Variants in ANXA11 observed in about 807,000 individuals in gnomAD.
ANXA11 encodes the protein annexin A11, also known as 56 kDa autoantigen.
A neutral mutation model predicts 64.7 loss-of-function variants in ANXA11; 57 were observed. The observed-to-expected ratio is 0.88, with a 90% CI of 0.71 to 1.10. The LOEUF (loss-of-function observed/expected upper bound fraction) is 1.10. Ranked by LOEUF, ANXA11 falls within the 50% of genes least tolerant of loss-of-function variation. ANXA11 has a pLI of 0.00. For synonymous variants in ANXA11, 260 were observed against 265.2 expected (o/e 0.98, Z 0.19); for missense variants, 675 against 670.7 (o/e 1.01, Z -0.07).
intron 11 of ANXA11, among the ~76,000 whole-genome samples, chr10:80,162,683 G>A (rs1257889690): frequency 6.6e-6 from 1 of 152,234 alleles, no homozygotes; most frequent in Non-Finnish European, 1.5e-5. Context: ...CAATCCCGCA[G>A]ATGGTAGAGA....
chr10:80,163,583 C>T lies in ANXA11; in HGVS notation c.980G>A (p.Arg327Gln), dbSNP rs149646596. The T allele has an allele frequency of 1.9e-5, 29 of 1,563,882 alleles. No homozygotes were observed. The highest frequency in any genetic ancestry group is 2.4e-5 in the East Asian group (1 of 42,288). The change falls in exon 10 of 16, where the codon CGA (arginine) becomes CAA (glutamine). Residue 327 changes from arginine (R) to glutamine (Q), a missense_variant. Physicochemically the swap from Arg to Gln is conservative, Grantham distance 43. Coordinates refer to ENST00000422982, the MANE Select transcript of ANXA11 (RefSeq NM_145868.2). ...CTGGAAGTGCCCTGATGTGTCGCTT[C>T]GAATGGCCTCTTCCAGGGTCTTTTT... ...EFKKTLEEAI[R>Q]SDTSGHFQRL... is the part of the protein sequence containing the mutation.
intron 10 of ANXA11, 49 bp from the exon 11 acceptor site, chr10:80,163,454 T>G: frequency 1.2e-6 from 2 of 1,613,468 alleles, no homozygotes; most frequent in Non-Finnish European, 1.7e-6. Flanking sequence ...CCCATTTATT[T>G]TCCCTTTCCT....
rs995076930 is a variant in ANXA11 at position 80,201,133 on chromosome 10, T to C, written c.-58+4210A>G. Reference sequence around the variant, plus strand: ...CTCACGTCCTGCTACTCCTCACCCATTCACTCCAACCTCGCTTCTGCTCAC... The same window carrying C: ...CTCACGTCCTGCTACTCCTCACCCACTCACTCCAACCTCGCTTCTGCTCAC... On this transcript the variant is annotated intron_variant, in intron 1 of 15. Transcript: ENST00000422982. Among the ~76,000 whole-genome samples the C allele has an allele frequency of 1.1e-4, 16 of 152,098 alleles. 2 individuals are homozygous for C. The South Asian group carries it at 1.2e-3, about 12-fold the overall frequency.
At chr10:80,188,688 A>C (rs1386296394) in intron 1 of ANXA11, among the ~76,000 whole-genome samples, 1 of 150,704 alleles carries the variant, frequency 6.6e-6, no homozygotes, top group Non-Finnish European at 1.5e-5. Context: ...GATGTACCCC[A>C]CCTACCTTGG....
At chr10:80,162,349 A>G (rs1845548430) in intron 11 of ANXA11, among the ~76,000 whole-genome samples, 1 of 152,242 alleles carries the variant, frequency 6.6e-6, no homozygotes, top group East Asian at 1.9e-4. Flanking sequence ...CAAAAGCCAG[A>G]GCCCTGAGCC....
At chr10:80,201,054 G>A (rs879767524) in intron 1 of ANXA11, among the ~76,000 whole-genome samples, 13 of 152,104 alleles carry the variant, frequency 8.5e-5, no homozygotes, top group African/African-American at 1.2e-4. Flanking sequence ...CTCCCTCAAC[G>A]ACGTCCTCTT....
intron 4 of ANXA11, among the ~76,000 whole-genome samples, chr10:80,169,591 G>A (rs185758253): frequency 6.6e-6 from 1 of 152,298 alleles, no homozygotes; most frequent in East Asian, 1.9e-4. Context: ...TTCTGCAGGG[G>A]AGATGCCTTC....
In ANXA11 at chr10:80,166,902, C is replaced by A. The variant is rs201680859; in HGVS notation, c.732G>T (p.Thr244=). The A allele has an allele frequency of 2.4e-5, 38 of 1,607,076 alleles. No homozygotes were observed. In the South Asian group the frequency reaches 4.2e-4, roughly 18 times the overall value. ...CCCCGCAGCTCGCCTTGCCGTAAGC[C>A]GTCTTGAAGGAAAGTAGGATCTGCT... ...QRQQILLSFK[T]AYGKDLIKDL... is the part of the protein sequence containing the mutation. The change falls in exon 7 of 16, where the codon ACG becomes ACT. Residue 244 remains threonine (T), a synonymous_variant. Coordinates refer to ENST00000422982, the MANE Select transcript of ANXA11 (RefSeq NM_145868.2).
At chr10:80,165,859 T>C (rs1845698137) in intron 8 of ANXA11, among the ~76,000 whole-genome samples, 1 of 152,214 alleles carries the variant, frequency 6.6e-6, no homozygotes, top group African/African-American at 2.4e-5. Flanking sequence ...GACTGGTGCG[T>C]CATTTGCCTC....
In ANXA11 at chr10:80,157,763, C is replaced by T; in HGVS notation, c.1336G>A (p.Gly446Arg). The change falls in exon 15 of 16, where the codon GGG becomes AGG. Residue 446 changes from glycine to arginine, a missense_variant and splice_region_variant. Transcript: ENST00000422982. ...FAERLNKAMRGAGTKDRTLIR... is the reference protein window; with the variant it reads ...FAERLNKAMRRAGTKDRTLIR... ...AGGGTCCGGTCCTTTGTTCCTGCCC[C>T]CTAAAGAGAGTCCACCCAAGAGCAT... is the stretch of plus-strand genomic sequence containing the variant. 1 of 1,612,784 alleles carries T rather than the reference C, an allele frequency of 6.2e-7. No homozygotes were observed. Among genetic ancestry groups the T allele is most frequent in the Non-Finnish European group, 8.5e-7 (1 of 1,179,242 alleles).
intron 13 of ANXA11, 139 bp downstream of exon 13, chr10:80,158,960 TG>T: frequency 1.5e-6 from 1 of 658,338 alleles, no homozygotes; most frequent in Non-Finnish European, 2.7e-6. Context: ...TCCCAGCATC[TG>T]GACACTCTGG....
intron 5 of ANXA11, 28 bp from the exon 6 acceptor site, chr10:80,167,341 A>G: frequency 6.2e-7 from 1 of 1,600,802 alleles, no homozygotes; most frequent in Non-Finnish European, 8.6e-7. Flanking sequence ...CTCAGGTAAG[A>G]TGTCGTGCAT....
upstream of ANXA11, chr10:80,205,577 G>A (rs1589462975): frequency 6.6e-6 from 1 of 152,170 alleles, no homozygotes. Context: ...CAGTGCAAGG[G>A]AGGGGCGGGG....
At chr10:80,162,785 C>T (rs1845566949) in intron 11 of ANXA11, among the ~76,000 whole-genome samples, 2 of 152,200 alleles carry the variant, frequency 1.3e-5, no homozygotes, top group Admixed American at 6.5e-5. Flanking sequence ...AACTCCACCC[C>T]ACCAGGAAGT....
At position 80,200,343 on chromosome 10, in the gene ANXA11, T is replaced by C. The variant is rs114853325; in HGVS notation, c.-58+5000A>G. 6.3e-4 allele frequency among the ~76,000 whole-genome samples: 96 copies of C among 152,350 alleles called. 1 individual carries two copies. The highest frequency in any genetic ancestry group is 2.0e-3 in the African/African-American group (82 of 41,584). Reference sequence around the variant, plus strand: ...CTTATAAAATGCACTTATTTATTAATTTTAAGACTGTAAAGAAAAGAGATT... The same window carrying C: ...CTTATAAAATGCACTTATTTATTAACTTTAAGACTGTAAAGAAAAGAGATT... On this transcript the variant is annotated intron_variant, in intron 1 of 15. Transcript: ENST00000422982.
At chr10:80,167,425 T>TC in intron 5 of ANXA11, 112 bp from the exon 6 acceptor site, 1 of 871,148 alleles carries the variant, frequency 1.1e-6, no homozygotes, top group South Asian at 1.5e-5. Flanking sequence ...AGTTGGAGTA[T>TC]CTAAAGGAGT....
chr10:80,166,984 C>T lies in ANXA11; in HGVS notation c.650G>A (p.Gly217Glu), dbSNP rs201218609. The T allele has an allele frequency of 1.0e-5, 16 of 1,596,736 alleles. No homozygotes were observed. The highest frequency in any genetic ancestry group is 1.1e-5 in the South Asian group (1 of 88,392). The change falls in exon 7 of 16, where the codon GGG (glycine) becomes GAG (glutamate). Residue 217 changes from glycine (G) to glutamate (E), a missense_variant and splice_region_variant. Gly to Glu is a moderately conservative substitution (Grantham distance 98). Transcript: ENST00000422982. ...EVLRKAMKGF[G>E]TDEQAIIDCL... is the part of the protein sequence containing the mutation. ...GTCAATGATGGCCTGCTCATCCGTCCCTGGAGGAAGAGGCAGCAGGGGTGG... is the reference window on the plus strand; with the variant it reads ...GTCAATGATGGCCTGCTCATCCGTCTCTGGAGGAAGAGGCAGCAGGGGTGG...
intron 1 of ANXA11, among the ~76,000 whole-genome samples, chr10:80,185,617 G>A (rs1481593380): frequency 6.6e-6 from 1 of 152,208 alleles, no homozygotes; most frequent in Non-Finnish European, 1.5e-5. Flanking sequence ...TTTATTAAAT[G>A]CTTACTATGT....
chr10:80,165,997 C>T (rs1845702955), intron 8 of ANXA11, 87 bp downstream of exon 8: 3 of 829,930 alleles, frequency 3.6e-6, no homozygotes, highest in Non-Finnish European at 5.8e-6. Flanking sequence ...AGGCCTCCTT[C>T]TGGGCTGTGT....
Sources: gnomAD v4.1 joint callset for allele counts (sites outside exome capture counted in the v4.1 genomes callset) on GRCh38, gnomAD v4.1.1 for gene constraint, MANE v1.5 for transcripts, NCBI Gene and HGNC (gene_info 2026-07-23, HGNC 2026-07-21) for gene names.